CHL1: variants seen among roughly 807,000 people sequenced by gnomAD.
CHL1 encodes the protein neural cell adhesion molecule L1-like protein.
CHL1 carries 96 observed loss-of-function variants against 141.9 expected under a neutral mutation model. The observed-to-expected ratio is 0.68, with a 90% CI of 0.57 to 0.80. The LOEUF (loss-of-function observed/expected upper bound fraction) is 0.80, where lower values mean the gene tolerates loss of function less well. Among genes scored for constraint, CHL1 ranks in the 30% least tolerant of loss-of-function variants. The pLI is 0.00. For synonymous variants in CHL1, 613 were observed against 502.2 expected, an observed-to-expected ratio of 1.22 and a Z score of -2.95; for missense variants, 1,820 against 1,457.2, an observed-to-expected ratio of 1.25 and a Z score of -4.05.
intron 13 of CHL1, 51 bp downstream of exon 13, chr3:361,861 A>T: frequency 4.1e-6 from 5 of 1,234,128 alleles, no homozygotes; most frequent in Non-Finnish European, 6.0e-6. Context: ...TGTAGATTTG[A>T]CCTTGTTTCT....
At chr3:279,374 T>C (rs529922987) in intron 2 of CHL1, among the ~76,000 whole-genome samples, 14 of 152,328 alleles carry the variant, frequency 9.2e-5, no homozygotes, top group African/African-American at 3.4e-4. Flanking sequence ...GGAGCTGTTT[T>C]CTATAGCTAG....
intron 2 of CHL1, among the ~76,000 whole-genome samples, chr3:303,256 T>C (rs912928149): frequency 4.6e-5 from 7 of 152,118 alleles, no homozygotes; most frequent in Non-Finnish European, 7.4e-5. Flanking sequence ...AAGTTTAAAG[T>C]AATTTTTTTC....
rs1700596908 is a variant in CHL1, at chr3:321,926, A to G, written c.91+2059A>G. ...AGAATATATATTCTTATAAACACCCAAAGGTTATTAGCTCCGTTCCCCAAA... is the reference window on the plus strand; with the variant it reads ...AGAATATATATTCTTATAAACACCCGAAGGTTATTAGCTCCGTTCCCCAAA... On this transcript the variant is annotated intron_variant, in intron 3 of 27. Coordinates refer to ENST00000256509, the MANE Select transcript of CHL1 (RefSeq NM_006614.4). Among the ~76,000 whole-genome samples the G allele has an allele frequency of 2.0e-5, 3 of 152,074 alleles. No homozygotes were observed. The South Asian group carries it at 6.2e-4, about 31-fold the overall frequency.
At chr3:387,298 T>A (rs1342424177) in intron 19 of CHL1, among the ~76,000 whole-genome samples, 1 of 152,206 alleles carries the variant, frequency 6.6e-6, no homozygotes. Flanking sequence ...AAAGACTCCT[T>A]CCTCGTGGGC....
At chr3:329,161 C>T (rs1170339614) in intron 5 of CHL1, among the ~76,000 whole-genome samples, 5 of 151,932 alleles carry the variant, frequency 3.3e-5, no homozygotes, top group Admixed American at 2.6e-4. Context: ...CACGTTTTCC[C>T]CCTGTTCTTA....
chr3:365,562 A>G (rs1704767161), intron 14 of CHL1, among the ~76,000 whole-genome samples: 2 of 152,208 alleles, frequency 1.3e-5, no homozygotes, highest in Non-Finnish European at 2.9e-5. Context: ...AATTAATAAT[A>G]AACACCCTAA....
At chr3:366,566 A>G (rs962573333) in intron 15 of CHL1, among the ~76,000 whole-genome samples, 6 of 151,100 alleles carry the variant, frequency 4.0e-5, no homozygotes, top group Non-Finnish European at 5.9e-5. Flanking sequence ...CTGCTATCAT[A>G]TGTTTATCAT....
At chr3:391,999 C>T (rs896715816) in intron 23 of CHL1, among the ~76,000 whole-genome samples, 7 of 152,154 alleles carry the variant, frequency 4.6e-5, no homozygotes, top group Admixed American at 1.3e-4. Context: ...AGTTTTATGA[C>T]GACATGGCCA....
intron 2 of CHL1, among the ~76,000 whole-genome samples, chr3:276,692 G>A (rs149292554): frequency 0.025 from 3,769 of 151,656 alleles, 56 homozygotes; most frequent in Middle Eastern, 0.034. Context: ...GATTGAGACC[G>A]TCCTGGCTAA....
At chr3:338,792 G>A (rs903506167) in intron 5 of CHL1, among the ~76,000 whole-genome samples, 1 of 152,148 alleles carries the variant, frequency 6.6e-6, no homozygotes, top group African/African-American at 2.4e-5. Context: ...TTAGAAGCCA[G>A]TTGAATTACA....
chr3:241,462 G>A (rs887013409), intron 1 of CHL1, among the ~76,000 whole-genome samples: 10 of 152,258 alleles, frequency 6.6e-5, no homozygotes, highest in East Asian at 1.9e-4. Flanking sequence ...CCGCTGATCC[G>A]CAGCTCTCAT....
chr3:389,518 G>A (rs1708054422), intron 20 of CHL1, 44 bp downstream of exon 20: 1 of 1,433,856 alleles, frequency 7.0e-7, no homozygotes. Context: ...AGTAACTGTT[G>A]CTTTCAAATA....
chr3:253,334 T>G (rs1405224379), intron 2 of CHL1, among the ~76,000 whole-genome samples: 1 of 152,142 alleles, frequency 6.6e-6, no homozygotes, highest in Admixed American at 6.6e-5. Flanking sequence ...TTAGAGTTCT[T>G]CTCTGAGGAG....
intron 3 of CHL1, among the ~76,000 whole-genome samples, chr3:322,662 ATATATATAAT>A (rs1244909520): frequency 1.4e-5 from 2 of 138,956 alleles, no homozygotes; most frequent in South Asian, 2.3e-4. Flanking sequence ...ATATATATAT[ATATATATAAT>A]TATATATATA....
chr3:325,980 T>C lies in CHL1; in HGVS notation c.113T>C (p.Ile38Thr). Residue 38 changes from isoleucine to threonine, a missense_variant, in exon 4 of 28, where the codon ATA becomes ACA. Ile to Thr is a moderately conservative substitution (Grantham distance 89, BLOSUM62 -1). Transcript: ENST00000256509. ...TTAGTTCAACAGGTTCCAACAATCATAAAACAGTCAAAAGTCCAAGTTGCC... is the reference window on the plus strand; with the variant it reads ...TTAGTTCAACAGGTTCCAACAATCACAAAACAGTCAAAAGTCCAAGTTGCC... ...PSSVQQVPTIIKQSKVQVAFP... is the reference protein window; with the variant it reads ...PSSVQQVPTITKQSKVQVAFP... 1 of 1,610,836 alleles carries C rather than the reference T, an allele frequency of 6.2e-7. No individual in the cohort carries two copies. The highest frequency in any genetic ancestry group is 8.5e-7 in the Non-Finnish European group (1 of 1,177,806).
intron 2 of CHL1, among the ~76,000 whole-genome samples, chr3:255,753 T>G (rs1694096533): frequency 6.6e-6 from 1 of 152,202 alleles, no homozygotes; most frequent in Non-Finnish European, 1.5e-5. Context: ...TGACTGCCTA[T>G]TGCCATTGCC....
At chr3:295,492 A>G (rs562555321) in intron 2 of CHL1, among the ~76,000 whole-genome samples, 2 of 152,232 alleles carry the variant, frequency 1.3e-5, no homozygotes, top group East Asian at 1.9e-4. Flanking sequence ...AAAAAGTAAC[A>G]TGAAATGATG....
chr3:219,017 C>T (rs553462938), intron 1 of CHL1, among the ~76,000 whole-genome samples: 52 of 152,062 alleles, frequency 3.4e-4, no homozygotes, highest in African/African-American at 1.2e-3. Context: ...GGCATGGTGG[C>T]GGGCACCTGT....
chr3:363,500 GT>G, intron 14 of CHL1, 117 bp downstream of exon 14: 1 of 961,234 alleles, frequency 1.0e-6, no homozygotes, highest in Non-Finnish European at 1.5e-6. Flanking sequence ...TCTTTGAACC[GT>G]TTTTCAAAAT....
Sources: allele counts gnomAD v4.1 joint callset (sites outside exome capture counted in the v4.1 genomes callset), GRCh38; gene constraint gnomAD v4.1.1; transcripts MANE v1.5; gene names NCBI Gene and HGNC (gene_info 2026-07-23, HGNC 2026-07-21).